CSMD1: variants seen among roughly 807,000 people sequenced by gnomAD.
CSMD1 encodes CUB and Sushi multiple domains 1.
In CSMD1, 213 loss-of-function variants were observed where a neutral mutation model predicts 417.5. The ratio of observed to expected loss-of-function variants is 0.51; its 90% CI spans 0.46 to 0.57. The LOEUF (loss-of-function observed/expected upper bound fraction) is 0.57, where lower values mean the gene tolerates loss of function less well. CSMD1 is among the 20% of genes least tolerant of loss of function. CSMD1 has a pLI of 0.00. For synonymous variants in CSMD1, 2,862 were observed against 1,736.8 expected (o/e 1.65, Z -16.11); for missense variants, 6,923 against 4,529.7 (o/e 1.53, Z -15.17).
chr8:3,632,238 G>C (rs1192368725), intron 7 of CSMD1, among the ~76,000 whole-genome samples: 1 of 152,138 alleles, frequency 6.6e-6, no homozygotes, highest in Non-Finnish European at 1.5e-5. Flanking sequence ...TTCTAGGGCT[G>C]GGCTTTAACC....
At chr8:4,835,407 T>A (rs563073155) in intron 1 of CSMD1, among the ~76,000 whole-genome samples, 65 of 152,240 alleles carry the variant, frequency 4.3e-4, no homozygotes, top group African/African-American at 1.5e-3. Flanking sequence ...GATTTCACCA[T>A]TAGCAAACAT....
rs570201015 is a variant in CSMD1, at chr8:4,098,644, T to C, written c.416-66545A>G. Among the ~76,000 whole-genome samples the C allele has an allele frequency of 1.1e-3, 171 of 152,240 alleles. 2 individuals carry two copies. Among genetic ancestry groups the C allele is most frequent in the South Asian group, 7.1e-3 (34 of 4,818 alleles). Reference sequence around the variant, plus strand: ...TAGTGAAATACCCCATTTCTACGTATTGGTGGTTTTTAATTCTTCACTGTC... The same window carrying C: ...TAGTGAAATACCCCATTTCTACGTACTGGTGGTTTTTAATTCTTCACTGTC... On this transcript the variant is annotated intron_variant, in intron 3 of 69. Transcript: ENST00000635120.
intron 20 of CSMD1, among the ~76,000 whole-genome samples, chr8:3,365,729 T>C (rs1018342140): frequency 7.9e-5 from 12 of 152,200 alleles, no homozygotes; most frequent in African/African-American, 2.2e-4. Context: ...AGTTAAGTTT[T>C]TGGGGCGTCA....
At chr8:4,465,839 C>A (rs192101262) in intron 2 of CSMD1, among the ~76,000 whole-genome samples, 362 of 152,266 alleles carry the variant, frequency 2.4e-3, no homozygotes, top group Non-Finnish European at 4.0e-3. Flanking sequence ...GTATCTCAAG[C>A]CACACATTCT....
intron 27 of CSMD1, among the ~76,000 whole-genome samples, chr8:3,228,861 C>G (rs887746954): frequency 3.3e-5 from 5 of 152,066 alleles, no homozygotes; most frequent in African/African-American, 9.7e-5. Context: ...AATCACTCCA[C>G]TTTAAAAAAG....
chr8:4,955,470 T>A (rs1333860226), intron 1 of CSMD1, among the ~76,000 whole-genome samples: 1 of 150,414 alleles, frequency 6.6e-6, no homozygotes, highest in South Asian at 2.1e-4. Context: ...TTTTTTTTTA[T>A]TGTGAGACAG....
chr8:4,921,080 G>A (rs540890726), intron 1 of CSMD1, among the ~76,000 whole-genome samples: 2 of 146,038 alleles, frequency 1.4e-5, no homozygotes, highest in Non-Finnish European at 3.0e-5. Flanking sequence ...GAAAGAAAAA[G>A]AAAGAAAGAA....
At chr8:3,418,921 T>C (rs1291408325) in intron 12 of CSMD1, among the ~76,000 whole-genome samples, 3 of 152,172 alleles carry the variant, frequency 2.0e-5, no homozygotes, top group African/African-American at 4.8e-5. Flanking sequence ...CACCTCAGAA[T>C]ACATGAAAGG....
At chr8:4,300,997 T>A (rs1279590507) in intron 3 of CSMD1, among the ~76,000 whole-genome samples, 2 of 152,258 alleles carry the variant, frequency 1.3e-5, no homozygotes, top group South Asian at 2.1e-4. Context: ...TAAACATAAG[T>A]GTGCATGTGT....
chr8:3,304,743 T>G (rs1163211183), intron 25 of CSMD1, among the ~76,000 whole-genome samples: 1 of 152,074 alleles, frequency 6.6e-6, no homozygotes, highest in Non-Finnish European at 1.5e-5. Context: ...TTTAATTTTT[T>G]TTATTAAAAT....
In CSMD1 at chr8:4,719,525, C is replaced by CA. The variant is rs570662758; in HGVS notation, c.86-81968dup. Among the ~76,000 whole-genome samples, 391 of 144,652 alleles carry CA rather than the reference C, an allele frequency of 2.7e-3. 3 individuals are homozygous for CA. The highest frequency in any genetic ancestry group is 8.4e-3 in the African/African-American group (331 of 39,360). 94.9% of individuals were successfully genotyped at this position (144,652 alleles called of 152,430 possible). On this transcript the variant is annotated intron_variant, in intron 1 of 69. Coordinates refer to ENST00000635120, the MANE Select transcript of CSMD1 (RefSeq NM_033225.6). ...GTAATTTAGTCCCCACCCCCACCTA[C>CA]AAAAAAAAAATCTTCACAACAAACT...
chr8:4,747,121 G>A (rs1220850822), intron 1 of CSMD1, among the ~76,000 whole-genome samples: 2 of 152,168 alleles, frequency 1.3e-5, no homozygotes, highest in African/African-American at 2.4e-5. Flanking sequence ...TTCGGCTCCT[G>A]CTCCTAAGAG....
intron 7 of CSMD1, among the ~76,000 whole-genome samples, chr8:3,644,826 G>C (rs1260899828): frequency 6.6e-6 from 1 of 151,930 alleles, no homozygotes; most frequent in Non-Finnish European, 1.5e-5. Flanking sequence ...CTCCCTCCAG[G>C]AACCCCGATG....
intron 45 of CSMD1, 158 bp from the exon 46 acceptor site, chr8:3,106,799 G>A (rs1043867901): frequency 1.6e-5 from 8 of 491,254 alleles, no homozygotes; most frequent in South Asian, 8.0e-5. Flanking sequence ...AAATAATACC[G>A]TTTTAAGTTC....
chr8:3,165,546 C>T (rs1001724388), intron 37 of CSMD1, among the ~76,000 whole-genome samples: 1 of 152,026 alleles, frequency 6.6e-6, no homozygotes, highest in Non-Finnish European at 1.5e-5. Flanking sequence ...ATTCTCCTGC[C>T]TCAGCCTCCT....
intron 2 of CSMD1, among the ~76,000 whole-genome samples, chr8:4,472,139 CTTGA>C (rs1001652688): frequency 6.6e-5 from 10 of 152,092 alleles, no homozygotes; most frequent in East Asian, 1.9e-4. Flanking sequence ...ATCGATGTGT[CTTGA>C]TTGTCATACT....
intron 1 of CSMD1, among the ~76,000 whole-genome samples, chr8:4,904,826 G>A (rs376465832): frequency 1.3e-5 from 2 of 152,156 alleles, no homozygotes; most frequent in Non-Finnish European, 2.9e-5. Flanking sequence ...AGTCTGGCAT[G>A]AAGATCCCTA....
chr8:4,141,583 C>A (rs145783502), intron 3 of CSMD1, among the ~76,000 whole-genome samples: 4 of 151,190 alleles, frequency 2.6e-5, no homozygotes, highest in East Asian at 3.9e-4. Context: ...GAACGAGTAA[C>A]TGTACTAAGA....
At chr8:3,617,382 A>G (rs776754320) in intron 7 of CSMD1, among the ~76,000 whole-genome samples, 2 of 152,218 alleles carry the variant, frequency 1.3e-5, no homozygotes, top group Non-Finnish European at 2.9e-5. Flanking sequence ...TAATTTCTAA[A>G]GAACTCATTT....
Sources: allele counts gnomAD v4.1 joint callset (sites outside exome capture counted in the v4.1 genomes callset), GRCh38; gene constraint gnomAD v4.1.1; transcripts MANE v1.5; gene names NCBI Gene and HGNC (gene_info 2026-07-23, HGNC 2026-07-21).